The following IPO9 variants were observed in gnomAD, a reference collection of about 807,000 sequenced individuals.
IPO9 encodes the protein importin 9.
A neutral mutation model predicts 128.6 loss-of-function variants in IPO9; 28 were observed. The observed-to-expected ratio is 0.22, with a 90% CI of 0.16 to 0.30. IPO9 has a LOEUF of 0.30. IPO9 is among the 10% of genes least tolerant of loss of function. IPO9 has a pLI of 1.00. For missense variants in IPO9, 935 were observed against 1,293.9 expected, an observed-to-expected ratio of 0.72 and a Z score of 4.26; for synonymous variants, 455 against 475.8, an observed-to-expected ratio of 0.96 and a Z score of 0.57.
rs1374530473 is a variant in IPO9, at chr1:201,876,237, G to A, written c.*183G>A. 5.6e-6 allele frequency: 4 copies of A among 709,908 alleles called. No individual in the cohort carries two copies. In the South Asian group the frequency reaches 5.9e-5, roughly 10 times the overall value. 44.0% of individuals were successfully genotyped at this position (709,908 alleles called of 1,614,324 possible). On this transcript the variant is annotated 3_prime_UTR_variant, in exon 24 of 24. Transcript: ENST00000361565. ...CTCACCGGTGCCGTCACTTAGGAAT[G>A]CTGGAACAAAGGACATTTCTCAAAG...
rs187683306 is a variant in IPO9 at position 201,878,617 on chromosome 1, C to G, written c.*2563C>G. On this transcript the variant is annotated 3_prime_UTR_variant, in exon 24 of 24. Transcript: ENST00000361565. ...GGGCTACCCCTGGCTAACAGATACT[C>G]GGCTGTGGGTGAGAGCAGAAGGTCT... is the stretch of plus-strand genomic sequence containing the variant. 1 of 152,536 alleles carries G rather than the reference C, an allele frequency of 6.6e-6. No homozygotes were observed. Among genetic ancestry groups the G allele is most frequent in the Non-Finnish European group, 1.5e-5 (1 of 68,058 alleles). The allele number at this position is 152,536 out of a possible 1,614,324, so 9.4% of individuals were successfully genotyped here.
intron 13 of IPO9, 133 bp from the exon 14 acceptor site, chr1:201,863,315 G>A (rs1024006499): frequency 2.2e-5 from 18 of 816,882 alleles, no homozygotes; most frequent in East Asian, 1.1e-4. Context: ...TCACGCCATC[G>A]CACTCCATCC....
chr1:201,855,327 T>C, intron 9 of IPO9, 145 bp downstream of exon 9: 1 of 578,752 alleles, frequency 1.7e-6, no homozygotes, highest in Non-Finnish European at 3.1e-6. Context: ...GTATTCGATG[T>C]GGGGAAATGA....
intron 20 of IPO9, 54 bp from the exon 21 acceptor site, chr1:201,874,196 T>C (rs1680715177): frequency 6.2e-7 from 1 of 1,600,184 alleles, no homozygotes; most frequent in Non-Finnish European, 8.5e-7. Context: ...CAGGGGTACT[T>C]CCAGAAGTAA....
At chr1:201,848,261 G>A in intron 3 of IPO9, 132 bp from the exon 4 acceptor site, 1 of 712,946 alleles carries the variant, frequency 1.4e-6, no homozygotes, top group Non-Finnish European at 2.5e-6. Flanking sequence ...TGTCAAGTTT[G>A]TGTATAGGAG....
chr1:201,865,199 CTT>C (rs201084995), intron 14 of IPO9, among the ~76,000 whole-genome samples: 38,093 of 132,540 alleles, frequency 0.29, 4,754 homozygotes, highest in East Asian at 0.39. Flanking sequence ...AACTATTTTT[CTT>C]TTTTTTTTTT....
chr1:201,867,111 A>G, intron 15 of IPO9, 152 bp downstream of exon 15: 1 of 654,010 alleles, frequency 1.5e-6, no homozygotes, highest in South Asian at 1.9e-5. Flanking sequence ...TTAGCAAAAA[A>G]TAGAATTGTG....
chr1:201,872,455 T>C lies in IPO9; in HGVS notation c.2577-373T>C, dbSNP rs551418135. Among the ~76,000 whole-genome samples the C allele has an allele frequency of 2.0e-5, 3 of 151,998 alleles. No homozygotes were observed. In the East Asian group the frequency reaches 5.8e-4, roughly 30 times the overall value. Reference sequence around the variant, plus strand: ...TGTGTCTACCAAAAAAATACAAAAATTAGCCAGGCACGGTGGCGCATGCCT... The same window carrying C: ...TGTGTCTACCAAAAAAATACAAAAACTAGCCAGGCACGGTGGCGCATGCCT... On this transcript the variant is annotated intron_variant, in intron 19 of 23. Coordinates refer to ENST00000361565, the MANE Select transcript of IPO9 (RefSeq NM_018085.5).
rs1680563354 is a variant in IPO9, at chr1:201,866,869, A to G, written c.1765A>G (p.Ile589Val). Residue 589 changes from isoleucine to valine, a missense_variant, in exon 15 of 24, where the codon ATC becomes GTC. Coordinates refer to ENST00000361565, the MANE Select transcript of IPO9 (RefSeq NM_018085.5). ...CAACCTGGTGATGGAGACCCTGTGC[A>G]TCGTTTGTACAGTAGACCCCGAATT... ...VLNLVMETLC[I>V]VCTVDPEFTA... 3 of 1,614,194 alleles carry G rather than the reference A, an allele frequency of 1.9e-6. No individual in the cohort carries two copies. The highest frequency in any genetic ancestry group is 2.2e-5 in the East Asian group (1 of 44,874).
Position 201,878,695 on chromosome 1 carries a change from A to G in IPO9, c.*2641A>G, listed in dbSNP as rs1680826338. ...TTGTGTTTCCAGTGCATTTTCATAT[A>G]CATTATCCCATTTAACCTTTATAAC... is the stretch of plus-strand genomic sequence containing the variant. On this transcript the variant is annotated 3_prime_UTR_variant, in exon 24 of 24. Coordinates refer to ENST00000361565, the MANE Select transcript of IPO9 (RefSeq NM_018085.5). The G allele has an allele frequency of 1.3e-5, 2 of 152,232 alleles. No homozygotes were observed. Among genetic ancestry groups the G allele is most frequent in the Admixed American group, 6.5e-5 (1 of 15,278 alleles). 9.4% of individuals were successfully genotyped at this position (152,232 alleles called of 1,614,324 possible).
rs1275390466 is a variant in IPO9 at position 201,870,638 on chromosome 1, A to T, written c.2189A>T (p.Gln730Leu). 1 of 1,614,236 alleles carries T rather than the reference A, an allele frequency of 6.2e-7. No homozygotes were observed. The highest frequency in any genetic ancestry group is 2.2e-5 in the East Asian group (1 of 44,882). Residue 730 changes from glutamine to leucine, a missense_variant, in exon 18 of 24, where the codon CAG becomes CTG. Transcript: ENST00000361565. The surrounding 1 kb of genome is among the most constrained non-coding windows in gnomAD (Gnocchi z 4.9). ...TCAGTGACCCTGGAACAAGTAGCCC[A>T]GTGGCATGATGAGCAGGGCCACAAT... is the stretch of plus-strand genomic sequence containing the variant. ...YVSVTLEQVA[Q>L]WHDEQGHNGL...
chr1:201,845,833 GCCCTA>G (rs1445078810), intron 1 of IPO9, among the ~76,000 whole-genome samples: 4 of 152,200 alleles, frequency 2.6e-5, no homozygotes, highest in Non-Finnish European at 5.9e-5. Flanking sequence ...GGATAGCACA[GCCCTA>G]CAATGTGAGA....
intron 19 of IPO9, among the ~76,000 whole-genome samples, chr1:201,871,861 G>T (rs1487771997): frequency 6.6e-6 from 1 of 152,112 alleles, no homozygotes; most frequent in Admixed American, 6.6e-5. Flanking sequence ...ATATATTTCT[G>T]GTCTCTGTTT....
At position 201,872,849 on chromosome 1, in the gene IPO9, G is replaced by A. The variant is rs1418302027; in HGVS notation, c.2598G>A (p.Leu866=). 3 of 1,613,374 alleles carry A rather than the reference G, an allele frequency of 1.9e-6. No homozygotes were observed. Among genetic ancestry groups the A allele is most frequent in the Non-Finnish European group, 2.5e-6 (3 of 1,179,726 alleles). Residue 866 remains leucine, a synonymous_variant, in exon 20 of 24, where the codon CTG becomes CTA. Transcript: ENST00000361565. ...GKVSSVALCK[L]LQHGINADDK... The stretch of plus-strand genomic sequence containing the variant: ...CCAGCTCTGTGGCACTCTGTAAGCT[G>A]CTCCAGCATGGCATCAATGCAGATG...
At chr1:201,859,180 A>AATGAATATATATATAT in intron 13 of IPO9, among the ~76,000 whole-genome samples, 186 bp downstream of exon 13, 1 of 83,454 alleles carries the variant, frequency 1.2e-5, no homozygotes, top group African/African-American at 4.0e-5. Flanking sequence ...CTCAAAGTAT[A>AATGAATATATATATAT]ATATATATAT....
In IPO9 at chr1:201,854,840, G is replaced by A. The variant is rs769031192; in HGVS notation, c.828G>A (p.Val276=). The change falls in exon 8 of 24, where the codon GTG becomes GTA. Residue 276 remains valine (V), a synonymous_variant. Transcript: ENST00000361565. ...CTTCTTAGGCAGTGACAGCCCTAGT[G>A]AAAAACTTCCCAAAGCACATGGTGT... The part of the protein sequence containing the change: ...MEVLKAVTAL[V]KNFPKHMVSS... 2 of 1,610,098 alleles carry A rather than the reference G, an allele frequency of 1.2e-6. No homozygotes were observed. Among genetic ancestry groups the A allele is most frequent in the Non-Finnish European group, 1.7e-6 (2 of 1,178,682 alleles).
At position 201,877,921 on chromosome 1, in the gene IPO9, CTG is replaced by C. The variant is rs1680797184; in HGVS notation, c.*1869_*1870del. ...CCTGGGCAACAAGAGGAGCGAAACT[CTG>C]TCTCAAAAAAAAAAAAGAGAAAGAA... On this transcript the variant is annotated 3_prime_UTR_variant, in exon 24 of 24. Transcript: ENST00000361565. 2.0e-5 allele frequency: 3 copies of C among 150,816 alleles called. No homozygotes were observed. Among genetic ancestry groups the C allele is most frequent in the East Asian group, 3.9e-4 (2 of 5,146 alleles). The allele number at this position is 150,816 out of a possible 1,614,324, so 9.3% of individuals were successfully genotyped here.
intron 21 of IPO9, 43 bp from the exon 22 acceptor site, chr1:201,874,789 C>T (rs1469767607): frequency 6.6e-6 from 9 of 1,362,988 alleles, no homozygotes; most frequent in Non-Finnish European, 9.4e-6. Flanking sequence ...AGGGAAAATG[C>T]ATGAATGTGC....
chr1:201,844,531 C>CAAGTCTAGTTTAGT (rs1301887373), intron 1 of IPO9, among the ~76,000 whole-genome samples: 4 of 152,122 alleles, frequency 2.6e-5, no homozygotes, highest in African/African-American at 9.7e-5. Context: ...AAGTTCTTAT[C>CAAGTCTAGTTTAGT]AAGTCTAGTT....
Sources: allele counts gnomAD v4.1 joint callset (sites outside exome capture counted in the v4.1 genomes callset), GRCh38; gene constraint gnomAD v4.1.1; non-coding constraint Gnocchi (gnomAD v3.1); transcripts MANE v1.5; gene names NCBI Gene and HGNC (gene_info 2026-07-23, HGNC 2026-07-21).